Variants in PCDHGB4 observed in about 807,000 individuals in gnomAD.
PCDHGB4 encodes protocadherin gamma-B4.
A neutral mutation model predicts 60.5 loss-of-function variants in PCDHGB4; 38 were observed. That is an observed-to-expected ratio of 0.63 (90% CI 0.48 to 0.82). The LOEUF (loss-of-function observed/expected upper bound fraction) is 0.82. PCDHGB4 is among the 40% of genes least tolerant of loss of function. The pLI is 0.00. For missense variants in PCDHGB4, 1,109 were observed against 1,209.6 expected, an observed-to-expected ratio of 0.92 and a Z score of 1.23; for synonymous variants, 456 against 509.7, an observed-to-expected ratio of 0.89 and a Z score of 1.42.
In PCDHGB4 at chr5:141,404,353, A is replaced by G. The variant is rs778714799; in HGVS notation, c.2397+14072A>G. ...TCTACCTCCCGGAAAACAACGCCAGAGGTACTTCCATCTTCTCCGTGATTG... is the reference window on the plus strand; with the variant it reads ...TCTACCTCCCGGAAAACAACGCCAGGGGTACTTCCATCTTCTCCGTGATTG... On this transcript the variant is annotated intron_variant, in intron 1 of 3. Coordinates refer to ENST00000519479, the MANE Select transcript of PCDHGB4 (RefSeq NM_003736.4). 2.0e-5 allele frequency: 33 copies of G among 1,613,948 alleles called. No individual in the cohort carries two copies. In the Admixed American group the frequency reaches 5.5e-4, roughly 27 times the overall value.
rs1408248560 is a variant in PCDHGB4 at position 141,475,829 on chromosome 5, G to C, written c.2398-18978G>C. On this transcript the variant is annotated intron_variant, in intron 1 of 3. Coordinates refer to ENST00000519479, the MANE Select transcript of PCDHGB4 (RefSeq NM_003736.4). ...AAAGTGAAGTTCCTGGCGCTAGCGC[G>C]TGTCCTGCTCAGAGAGCCCGGCGCT... The C allele has an allele frequency of 1.0e-5, 4 of 386,748 alleles. No individual in the cohort carries two copies. In the South Asian group the frequency reaches 1.4e-4, roughly 14 times the overall value. The allele number at this position is 386,748 out of a possible 1,614,324, so 24.0% of individuals were successfully genotyped here. A position where few individuals can be genotyped will look rare whatever the true frequency, so the allele number is the denominator to read the frequency against.
In PCDHGB4 at chr5:141,431,140, C is replaced by G. The variant is rs145692116; in HGVS notation, c.2397+40859C>G. The G allele has an allele frequency of 6.2e-7, 1 of 1,614,208 alleles. No individual in the cohort carries two copies. The highest frequency in any genetic ancestry group is 1.7e-5 in the Admixed American group (1 of 60,038). On this transcript the variant is annotated intron_variant, in intron 1 of 3. Transcript: ENST00000519479. This position sits in a 1 kb window ranked among gnomAD's most constrained non-coding sequence, Gnocchi z 4.8. The stretch of plus-strand genomic sequence containing the variant: ...TAGAAGTAGAAGTAAGGGACATTAA[C>G]GACAATGCGCCTTACTTTCGTGAAA...
In PCDHGB4 at chr5:141,500,938, G is replaced by A. The variant is rs1317178701; in HGVS notation, c.2457-4455G>A. On this transcript the variant is annotated intron_variant, in intron 2 of 3. Transcript: ENST00000519479. Reference sequence around the variant, plus strand: ...GGCTGGGGTGCAGTGGCGCCATCTCGGCTCACTGCAAGCTCCACCTCCTGG... The same window carrying A: ...GGCTGGGGTGCAGTGGCGCCATCTCAGCTCACTGCAAGCTCCACCTCCTGG... 2.6e-5 allele frequency among the ~76,000 whole-genome samples: 4 copies of A among 151,060 alleles called. No homozygotes were observed. The East Asian group carries it at 5.8e-4, about 22-fold the overall frequency.
intron 1 of PCDHGB4, chr5:141,423,357 C>T: frequency 6.2e-7 from 1 of 1,614,214 alleles, no homozygotes; most frequent in Non-Finnish European, 8.5e-7. Context: ...TCTTTGTCAT[C>T]GTGCTGCTGG....
chr5:141,420,465 A>G, intron 1 of PCDHGB4: 1 of 807,604 alleles, frequency 1.2e-6, no homozygotes. Context: ...ATTCAAAGAC[A>G]TTTTAAAGCA....
In PCDHGB4 at chr5:141,490,490, C is replaced by A. The variant is rs886264588; in HGVS notation, c.2398-4317C>A. The A allele has an allele frequency of 1.2e-6, 2 of 1,614,184 alleles. No individual in the cohort carries two copies. Among genetic ancestry groups the A allele is most frequent in the Non-Finnish European group, 1.7e-6 (2 of 1,180,028 alleles). ...AGCCAGCCTTTGGACCGGGAGGCCA[C>A]ATCCCACTATATCATCGAGCTGCTG... On this transcript the variant is annotated intron_variant, in intron 1 of 3. Transcript: ENST00000519479. The surrounding 1 kb of genome is among the most constrained non-coding windows in gnomAD (Gnocchi z 5.4).
chr5:141,469,213 G>C (rs866405809), intron 1 of PCDHGB4, among the ~76,000 whole-genome samples: 4 of 150,912 alleles, frequency 2.7e-5, no homozygotes, highest in African/African-American at 9.7e-5. Flanking sequence ...TGAAGTTGAG[G>C]CTTCAGTGAG....
At position 141,489,886 on chromosome 5, in the gene PCDHGB4, G is replaced by A; in HGVS notation, c.2398-4921G>A. ...ACATCAGCTGGTGCTTACTGCTGTG[G>A]ATGGGGGGACCCCAGCCCGCTCAGG... is the stretch of plus-strand genomic sequence containing the variant. On this transcript the variant is annotated intron_variant, in intron 1 of 3. Transcript: ENST00000519479. This position sits in a 1 kb window ranked among gnomAD's most constrained non-coding sequence, Gnocchi z 4.5. 6.2e-7 allele frequency: 1 copy of A among 1,614,256 alleles called. No individual in the cohort carries two copies. The highest frequency in any genetic ancestry group is 8.5e-7 in the Non-Finnish European group (1 of 1,180,044).
chr5:141,444,893 G>T (rs1238224263), intron 1 of PCDHGB4, among the ~76,000 whole-genome samples: 1 of 152,160 alleles, frequency 6.6e-6, no homozygotes, highest in Admixed American at 6.5e-5. Flanking sequence ...TTTTGAATGG[G>T]ATGGCATTGC....
At chr5:141,399,854 G>A (rs747617678) in intron 1 of PCDHGB4, 6 of 1,612,786 alleles carry the variant, frequency 3.7e-6, no homozygotes, top group Non-Finnish European at 5.1e-6. Context: ...ATGGTGCCGC[G>A]CGCTGCAGAG....
chr5:141,463,480 G>A (rs964539275), intron 1 of PCDHGB4, among the ~76,000 whole-genome samples: 3 of 114,320 alleles, frequency 2.6e-5, no homozygotes, highest in African/African-American at 1.1e-4. Context: ...ATGGAGTCTC[G>A]CTCTGTCACC....
chr5:141,414,537 T>C (rs2095757230), intron 1 of PCDHGB4: 1 of 1,613,978 alleles, frequency 6.2e-7, no homozygotes, highest in Non-Finnish European at 8.5e-7. Flanking sequence ...ACAACCCACC[T>C]ACCTTCTCTC....
At chr5:141,417,452 C>A in intron 1 of PCDHGB4, 1 of 173,536 alleles carries the variant, frequency 5.8e-6, no homozygotes, top group Non-Finnish European at 1.2e-5. Flanking sequence ...ATAGTTATGA[C>A]CAAGTGGAAA....
In PCDHGB4 at chr5:141,486,487, C is replaced by T; in HGVS notation, c.2398-8320C>T. ...CTGGGAACCCTCCTCTCAGTACCCA[C>T]AGAACTATTTTCCTCAATATTTCAG... On this transcript the variant is annotated intron_variant, in intron 1 of 3. Coordinates refer to ENST00000519479, the MANE Select transcript of PCDHGB4 (RefSeq NM_003736.4). This position sits in a 1 kb window ranked among gnomAD's most constrained non-coding sequence, Gnocchi z 5.0. 1 of 1,614,086 alleles carries T rather than the reference C, an allele frequency of 6.2e-7. No individual in the cohort carries two copies. Among genetic ancestry groups the T allele is most frequent in the Non-Finnish European group, 8.5e-7 (1 of 1,179,918 alleles).
Position 141,476,091 on chromosome 5 carries a change from G to T in PCDHGB4, c.2398-18716G>T, listed in dbSNP as rs1470774975. The T allele has an allele frequency of 1.3e-6, 2 of 1,563,074 alleles. No homozygotes were observed. Among genetic ancestry groups the T allele is most frequent in the Non-Finnish European group, 1.7e-6 (2 of 1,159,286 alleles). On this transcript the variant is annotated intron_variant, in intron 1 of 3. Coordinates refer to ENST00000519479, the MANE Select transcript of PCDHGB4 (RefSeq NM_003736.4). This position sits in a 1 kb window ranked among gnomAD's most constrained non-coding sequence, Gnocchi z 7.6. ...AAATCTCAGGGACGATCTGGACCCC[G>T]CTGAGAGGAACTGCTTTTGAGTGAG...
intron 2 of PCDHGB4, among the ~76,000 whole-genome samples, chr5:141,500,046 T>C (rs959260262): frequency 1.3e-5 from 2 of 152,098 alleles, no homozygotes; most frequent in African/African-American, 4.8e-5. Context: ...TTAAGTATCT[T>C]AATGCTCTTT....
chr5:141,393,307 ACTC>A, intron 1 of PCDHGB4: 1 of 1,613,594 alleles, frequency 6.2e-7, no homozygotes, highest in East Asian at 2.2e-5. Flanking sequence ...GTGGGCGTGA[ACTC>A]CCTCCAGAGC....
chr5:141,409,648 G>A, intron 1 of PCDHGB4: 2 of 1,613,692 alleles, frequency 1.2e-6, no homozygotes, highest in East Asian at 4.5e-5. Context: ...CGGATTTGGG[G>A]CTCAATGGCC....
intron 1 of PCDHGB4, chr5:141,399,007 A>G (rs1403288140): frequency 6.2e-7 from 1 of 1,613,948 alleles, no homozygotes. Flanking sequence ...GAATTCAAAG[A>G]GCGGAGAAAT....
Sources: gnomAD v4.1 joint callset for allele counts (sites outside exome capture counted in the v4.1 genomes callset) on GRCh38, gnomAD v4.1.1 for gene constraint, Gnocchi (gnomAD v3.1) non-coding constraint, MANE v1.5 for transcripts, NCBI Gene and HGNC (gene_info 2026-07-23, HGNC 2026-07-21) for gene names.